The following GBE1 variants were observed in gnomAD, a reference collection of about 807,000 sequenced individuals.
The protein encoded by GBE1 is 1,4-alpha-glucan-branching enzyme.
Under a neutral mutation model 88.8 loss-of-function variants are expected in GBE1, and 70 were observed. The observed-to-expected ratio is 0.79, with a 90% CI of 0.65 to 0.96. The LOEUF is 0.96. Ranked by LOEUF, GBE1 falls within the 40% of genes least tolerant of loss-of-function variation. The probability of loss-of-function intolerance (pLI) is 0.00; values close to 1 mark genes in which losing one functional copy is unlikely to be tolerated. For synonymous variants in GBE1, 284 were observed against 300.1 expected, an observed-to-expected ratio of 0.95 and a Z score of 0.56; for missense variants, 872 against 871.0, an observed-to-expected ratio of 1.00 and a Z score of -0.01.
At chr3:81,593,627 G>T (rs576603901) in intron 8 of GBE1, among the ~76,000 whole-genome samples, 193 of 152,032 alleles carry the variant, frequency 1.3e-3, no homozygotes, top group African/African-American at 4.4e-3. Flanking sequence ...CATTGGAAGT[G>T]CTGTAGTGTT....
chr3:81,551,422 G>A (rs1703270830), intron 12 of GBE1, among the ~76,000 whole-genome samples: 1 of 152,062 alleles, frequency 6.6e-6, no homozygotes, highest in African/African-American at 2.4e-5. Context: ...AAATCCTGGG[G>A]CCCCAGAATC....
At chr3:81,502,048 T>C (rs1344536132) in intron 14 of GBE1, among the ~76,000 whole-genome samples, 1 of 151,764 alleles carries the variant, frequency 6.6e-6, no homozygotes, top group Non-Finnish European at 1.5e-5. Context: ...CAAAATTATT[T>C]CTCTGACACA....
At chr3:81,556,927 G>T (rs890916618) in intron 12 of GBE1, among the ~76,000 whole-genome samples, 10 of 151,988 alleles carry the variant, frequency 6.6e-5, no homozygotes, top group Non-Finnish European at 1.5e-4. Flanking sequence ...GTAACCTCCT[G>T]CTGTGTAACT....
At position 81,612,974 on chromosome 3, in the gene GBE1, G is replaced by A. The variant is rs146003937; in HGVS notation, c.993-18951C>T. On this transcript the variant is annotated intron_variant, in intron 7 of 15. Coordinates refer to ENST00000429644, the MANE Select transcript of GBE1 (RefSeq NM_000158.4). The stretch of plus-strand genomic sequence containing the variant: ...ATGATGACGATGATGACGCAAAGGA[G>A]GAAGGATTAGAAGATACTGATGAAG... The A allele has an allele frequency of 5.7e-4, 237 of 417,606 alleles. 2 individuals are homozygous for A. The highest frequency in any genetic ancestry group is 4.6e-3 in the African/African-American group (220 of 47,556). The allele number at this position is 417,606 out of a possible 1,614,324, so 25.9% of individuals were successfully genotyped here. A position where few individuals can be genotyped will look rare whatever the true frequency, so the allele number is the denominator to read the frequency against.
intron 12 of GBE1, among the ~76,000 whole-genome samples, chr3:81,556,801 T>C (rs1559644088): frequency 2.0e-5 from 3 of 152,034 alleles, no homozygotes; most frequent in African/African-American, 4.8e-5. Flanking sequence ...ATTTCTCCTA[T>C]AGAATTTTTT....
chr3:81,640,738 T>C (rs1704666240), intron 7 of GBE1, among the ~76,000 whole-genome samples: 1 of 151,774 alleles, frequency 6.6e-6, no homozygotes, highest in South Asian at 2.1e-4. Flanking sequence ...TAGATATTGG[T>C]CAAACAGAAT....
At chr3:81,690,024 T>C (rs1705497356) in intron 2 of GBE1, among the ~76,000 whole-genome samples, 1 of 152,184 alleles carries the variant, frequency 6.6e-6, no homozygotes, top group South Asian at 2.1e-4. Flanking sequence ...AGGCCCTGTA[T>C]TTAGCTGAAC....
chr3:81,644,752 G>T (rs1262665144), intron 6 of GBE1, among the ~76,000 whole-genome samples: 1 of 152,156 alleles, frequency 6.6e-6, no homozygotes, highest in African/African-American at 2.4e-5. Context: ...AAAACAGAGT[G>T]ACCAGTTAAA....
intron 14 of GBE1, among the ~76,000 whole-genome samples, chr3:81,521,660 G>A (rs909543226): frequency 6.6e-6 from 1 of 151,442 alleles, no homozygotes; most frequent in African/African-American, 2.4e-5. Context: ...TGCTGGTTAT[G>A]GGAGATGCTA....
intron 7 of GBE1, among the ~76,000 whole-genome samples, chr3:81,623,822 G>A (rs977694374): frequency 1.3e-5 from 2 of 152,020 alleles, no homozygotes; most frequent in Non-Finnish European, 2.9e-5. Flanking sequence ...GAGCCATCAT[G>A]CCTGGCTATT....
intron 12 of GBE1, among the ~76,000 whole-genome samples, chr3:81,556,493 G>A (rs1703350536): frequency 1.3e-5 from 2 of 152,058 alleles, no homozygotes; most frequent in Admixed American, 1.3e-4. Flanking sequence ...AGGTATTTGG[G>A]GGTAACGAGA....
At chr3:81,689,444 C>A (rs1267474884) in intron 2 of GBE1, among the ~76,000 whole-genome samples, 1 of 152,206 alleles carries the variant, frequency 6.6e-6, no homozygotes, top group Non-Finnish European at 1.5e-5. Flanking sequence ...AATCCACCAA[C>A]AATTGTCATG....
intron 3 of GBE1, among the ~76,000 whole-genome samples, chr3:81,662,579 T>A (rs1277484417): frequency 6.6e-6 from 1 of 151,908 alleles, no homozygotes; most frequent in East Asian, 1.9e-4. Context: ...ACCCTGTTGT[T>A]CTAACCCATC....
At chr3:81,745,584 G>A (rs1249703354) in intron 1 of GBE1, among the ~76,000 whole-genome samples, 1 of 151,822 alleles carries the variant, frequency 6.6e-6, no homozygotes, top group Non-Finnish European at 1.5e-5. Flanking sequence ...AGTAAACTTG[G>A]TAGAGATCAC....
intron 7 of GBE1, among the ~76,000 whole-genome samples, chr3:81,639,174 G>C (rs142858361): frequency 4.6e-5 from 7 of 152,156 alleles, no homozygotes. Flanking sequence ...GTGAAGGATT[G>C]GGTTATGTAT....
At chr3:81,564,647 C>T (rs1703467431) in intron 12 of GBE1, among the ~76,000 whole-genome samples, 1 of 152,074 alleles carries the variant, frequency 6.6e-6, no homozygotes, top group Non-Finnish European at 1.5e-5. Flanking sequence ...TGACTCTTCT[C>T]AAAGGTTATG....
At chr3:81,722,894 G>GTATATA (rs757742488) in intron 1 of GBE1, among the ~76,000 whole-genome samples, 2,202 of 134,890 alleles carry the variant, frequency 0.016, 25 homozygotes, top group East Asian at 0.055. Context: ...GTGTGTGTGT[G>GTATATA]TGTATATATA....
At chr3:81,656,965 G>C (rs1704947167) in intron 3 of GBE1, among the ~76,000 whole-genome samples, 1 of 151,974 alleles carries the variant, frequency 6.6e-6, no homozygotes, top group Non-Finnish European at 1.5e-5. Context: ...AGACCAGCCT[G>C]ATCCATATGG....
intron 12 of GBE1, among the ~76,000 whole-genome samples, chr3:81,540,477 C>T (rs1262050616): frequency 6.6e-6 from 1 of 151,998 alleles, no homozygotes; most frequent in African/African-American, 2.4e-5. Context: ...TTTAATCTCT[C>T]TAGTGCTTGG....
Sources: allele counts gnomAD v4.1 joint callset (sites outside exome capture counted in the v4.1 genomes callset), GRCh38; gene constraint gnomAD v4.1.1; transcripts MANE v1.5; gene names NCBI Gene and HGNC (gene_info 2026-07-23, HGNC 2026-07-21).